CCDC192: variants seen among roughly 807,000 people sequenced by gnomAD.
CCDC192 encodes coiled-coil domain-containing protein 192.
At position 127,738,905 on chromosome 5, in the gene CCDC192, G is replaced by A. The variant is rs374257368; in HGVS notation, c.115-15363G>A. Among the ~76,000 whole-genome samples, 127 of 151,552 alleles carry A rather than the reference G, an allele frequency of 8.4e-4. 1 individual carries two copies. The highest frequency in any genetic ancestry group is 2.1e-3 in the African/African-American group (87 of 41,438). On this transcript the variant is annotated intron_variant, in intron 2 of 6. Coordinates refer to ENST00000514853, the MANE Select transcript of CCDC192 (RefSeq NM_001317938.2). ...TCCCATAGCTCAGAGTAATTTGATC[G>A]TCTGAAGCCTTCTTCCCTCAGCTCG...
chr5:127,789,597 T>C (rs930469417), intron 3 of CCDC192, among the ~76,000 whole-genome samples: 1 of 152,224 alleles, frequency 6.6e-6, no homozygotes, highest in Non-Finnish European at 1.5e-5. Flanking sequence ...AGCAACTGTT[T>C]GTTAAGGAGA....
intron 2 of CCDC192, among the ~76,000 whole-genome samples, chr5:127,719,580 T>TATATAC (rs1275936475): frequency 1.3e-4 from 17 of 132,596 alleles, no homozygotes; most frequent in African/African-American, 5.5e-4. Flanking sequence ...TATATATATA[T>TATATAC]ACCAAGCAGT....
intron 5 of CCDC192, among the ~76,000 whole-genome samples, chr5:127,815,853 G>C (rs528183973): frequency 6.6e-6 from 1 of 151,716 alleles, no homozygotes; most frequent in Admixed American, 6.6e-5. Context: ...GGGCAACAGA[G>C]CGAGACTCTG....
At chr5:127,898,758 G>C (rs1752963038) in intron 6 of CCDC192, among the ~76,000 whole-genome samples, 1 of 152,136 alleles carries the variant, frequency 6.6e-6, no homozygotes, top group South Asian at 2.1e-4. Context: ...GTGAAGGGTG[G>C]GGTGAGAGAG....
At chr5:127,939,242 C>T (rs544859035) in intron 6 of CCDC192, among the ~76,000 whole-genome samples, 4 of 151,240 alleles carry the variant, frequency 2.6e-5, no homozygotes, top group East Asian at 3.9e-4. Context: ...CTCAGCCTCC[C>T]GAGTAGCTGG....
rs143117152 is a variant in CCDC192, at chr5:127,817,259, G to T, written c.411+19097G>T. Among the ~76,000 whole-genome samples, 492 of 152,210 alleles carry T rather than the reference G, an allele frequency of 3.2e-3. 1 individual carries two copies. Among genetic ancestry groups the T allele is most frequent in the African/African-American group, 0.011 (459 of 41,520 alleles). ...AGCCCTATTTAAAATACAGGTAGAA[G>T]AGTTAAAATATGACCCAGCAGTTCT... is the stretch of plus-strand genomic sequence containing the variant. On this transcript the variant is annotated intron_variant, in intron 5 of 6. Transcript: ENST00000514853.
intron 3 of CCDC192, among the ~76,000 whole-genome samples, chr5:127,793,157 T>A (rs1756978391): frequency 6.6e-6 from 1 of 152,188 alleles, no homozygotes; most frequent in Non-Finnish European, 1.5e-5. Context: ...TGAAATTATT[T>A]TTAAAATCCT....
chr5:127,704,997 T>C (rs954342326), intron 1 of CCDC192, among the ~76,000 whole-genome samples: 1 of 152,134 alleles, frequency 6.6e-6, no homozygotes, highest in Non-Finnish European at 1.5e-5. Flanking sequence ...GAAATTTCAA[T>C]GTTCTTATAA....
chr5:127,822,937 G>C (rs1405718903), intron 5 of CCDC192, among the ~76,000 whole-genome samples: 1 of 152,142 alleles, frequency 6.6e-6, no homozygotes, highest in Non-Finnish European at 1.5e-5. Flanking sequence ...TCTTCTTGTG[G>C]TTCCAGGTCT....
At chr5:127,733,030 G>A (rs953182757) in intron 2 of CCDC192, among the ~76,000 whole-genome samples, 1 of 152,066 alleles carries the variant, frequency 6.6e-6, no homozygotes, top group Non-Finnish European at 1.5e-5. Context: ...TAAAAAAGAA[G>A]GTCAAGGAAG....
rs1751310456 is a variant in CCDC192, at chr5:127,860,515, T to C, written c.412-15023T>C. ...GCCCACTTGACATTCCCAGGTTAAA[T>C]ACCACTTCTAGTAGAACTTTCCTTG... On this transcript the variant is annotated intron_variant, in intron 5 of 6. Coordinates refer to ENST00000514853, the MANE Select transcript of CCDC192 (RefSeq NM_001317938.2). Among the ~76,000 whole-genome samples, 4 of 152,332 alleles carry C rather than the reference T, an allele frequency of 2.6e-5. No individual in the cohort carries two copies. In the Middle Eastern group the frequency reaches 0.014, roughly 518 times the overall value.
intron 5 of CCDC192, among the ~76,000 whole-genome samples, chr5:127,810,704 A>G (rs1480862772): frequency 6.6e-6 from 1 of 152,212 alleles, no homozygotes; most frequent in Non-Finnish European, 1.5e-5. Context: ...TAATAGAATA[A>G]TAAATGTCCT....
At chr5:127,800,298 A>G (rs899195260) in intron 5 of CCDC192, among the ~76,000 whole-genome samples, 4 of 141,776 alleles carry the variant, frequency 2.8e-5, no homozygotes, top group African/African-American at 1.0e-4. Flanking sequence ...CTGATTAGAG[A>G]TCTGTAGTGT....
At chr5:127,802,442 C>T (rs1023004418) in intron 5 of CCDC192, among the ~76,000 whole-genome samples, 4 of 152,128 alleles carry the variant, frequency 2.6e-5, no homozygotes, top group Admixed American at 1.3e-4. Flanking sequence ...TCTCCATCTG[C>T]GACCCCCAAG....
intron 5 of CCDC192, among the ~76,000 whole-genome samples, chr5:127,810,890 T>C (rs942412399): frequency 1.3e-5 from 2 of 152,166 alleles, no homozygotes; most frequent in African/African-American, 4.8e-5. Flanking sequence ...CCAGTAACTT[T>C]ACTTGCCAAA....
At chr5:127,874,871 A>C (rs1055330971) in intron 5 of CCDC192, among the ~76,000 whole-genome samples, 1 of 152,210 alleles carries the variant, frequency 6.6e-6, no homozygotes, top group Non-Finnish European at 1.5e-5. Flanking sequence ...TGAAGTCTCG[A>C]GGTGAATCCT....
At chr5:127,919,003 GTA>G (rs1753616873) in intron 6 of CCDC192, among the ~76,000 whole-genome samples, 1 of 146,640 alleles carries the variant, frequency 6.8e-6, no homozygotes, top group Non-Finnish European at 1.6e-5. Context: ...GTATATGTGT[GTA>G]TGTATATATG....
intron 6 of CCDC192, among the ~76,000 whole-genome samples, chr5:127,876,127 C>A (rs1752069429): frequency 7.0e-6 from 1 of 143,596 alleles, no homozygotes. Flanking sequence ...AGAAGGCTGG[C>A]TGGAGATGAA....
chr5:127,881,046 G>A (rs1240412653), intron 6 of CCDC192, among the ~76,000 whole-genome samples: 1 of 152,134 alleles, frequency 6.6e-6, no homozygotes, highest in Non-Finnish European at 1.5e-5. Flanking sequence ...CATACCATGG[G>A]TATTTGTACT....
Sources: gnomAD v4.1 joint callset for allele counts (sites outside exome capture counted in the v4.1 genomes callset) on GRCh38, gnomAD v4.1.1 for gene constraint, MANE v1.5 for transcripts, NCBI Gene and HGNC (gene_info 2026-07-23, HGNC 2026-07-21) for gene names.